DACH2: variants seen among roughly 807,000 people sequenced by gnomAD.
DACH2 encodes the protein dachshund homolog 2.
DACH2 carries 17 observed loss-of-function variants against 35.8 expected under a neutral mutation model. The ratio of observed to expected loss-of-function variants is 0.48; its 90% confidence interval spans 0.33 to 0.71. The LOEUF is 0.71. DACH2 is among the 30% of genes least tolerant of loss of function. DACH2 has a pLI of 0.02. For synonymous variants in DACH2, 195 were observed against 177.3 expected, an observed-to-expected ratio of 1.10 and a Z score of -0.79; for missense variants, 469 against 472.7, an observed-to-expected ratio of 0.99 and a Z score of 0.07.
chrX:86,306,771 TC>T (rs2034697621), intron 1 of DACH2, among the ~76,000 whole-genome samples: 1 of 111,405 alleles, frequency 9.0e-6, no homozygotes, highest in African/African-American at 3.3e-5. Context: ...AAGTTAATAC[TC>T]AATAAACTCA....
At chrX:86,467,998 T>C (rs779993353) in intron 2 of DACH2, among the ~76,000 whole-genome samples, 1 of 110,977 alleles carries the variant, frequency 9.0e-6, no homozygotes, top group Non-Finnish European at 1.9e-5. Flanking sequence ...AAGATGAGAT[T>C]TGGGTGGGGA....
At chrX:86,456,357 A>T (rs1233308279) in intron 2 of DACH2, among the ~76,000 whole-genome samples, 3 of 111,687 alleles carry the variant, frequency 2.7e-5, no homozygotes, top group Non-Finnish European at 5.6e-5. Context: ...ATCAATTATA[A>T]TTTTTAATTA....
chrX:86,819,589 C>T (rs2042488771), intron 11 of DACH2, among the ~76,000 whole-genome samples: 1 of 112,020 alleles, frequency 8.9e-6, no homozygotes, highest in African/African-American at 3.2e-5. Flanking sequence ...TTTCTTTTTA[C>T]TGCATTCTGC....
At chrX:86,244,138 G>C (rs1223608518) in intron 1 of DACH2, among the ~76,000 whole-genome samples, 1 of 111,429 alleles carries the variant, frequency 9.0e-6, no homozygotes, top group East Asian at 2.8e-4. Context: ...ATTCTTAAAG[G>C]GGTTTTATTT....
intron 4 of DACH2, among the ~76,000 whole-genome samples, chrX:86,687,882 G>A (rs1248874139): frequency 9.2e-6 from 1 of 108,644 alleles, no homozygotes; most frequent in Non-Finnish European, 1.9e-5. Context: ...TCACACACTG[G>A]GGCCTGTCAG....
At chrX:86,411,922 T>A (rs966900773) in intron 2 of DACH2, among the ~76,000 whole-genome samples, 1 of 111,220 alleles carries the variant, frequency 9.0e-6, no homozygotes, top group Non-Finnish European at 1.9e-5. Flanking sequence ...CCATTTGTAA[T>A]CCTGCCTGGA....
At position 86,587,650 on chromosome X, in the gene DACH2, T is replaced by C. The variant is rs147673057; in HGVS notation, c.641-63386T>C. Among the ~76,000 whole-genome samples the C allele has an allele frequency of 4.8e-4, 54 of 112,102 alleles. 2 individuals carry two copies. The highest frequency in any genetic ancestry group is 1.7e-3 in the African/African-American group (54 of 30,955). On this transcript the variant is annotated intron_variant, in intron 3 of 11. Transcript: ENST00000373125. ...GATGTTTATTAATGATAAGCATTTG[T>C]TCAAATGGTTGTTGGCTGCTTGTAT... is the stretch of plus-strand genomic sequence containing the variant.
At chrX:86,632,808 T>A (rs2040217507) in intron 3 of DACH2, among the ~76,000 whole-genome samples, 1 of 110,828 alleles carries the variant, frequency 9.0e-6, no homozygotes, top group African/African-American at 3.3e-5. Flanking sequence ...GCTATACATA[T>A]ACCTGGAAAT....
chrX:86,479,999 G>A (rs960878194), intron 2 of DACH2, among the ~76,000 whole-genome samples: 3 of 112,357 alleles, frequency 2.7e-5, no homozygotes, highest in Non-Finnish European at 5.6e-5. Context: ...TTCATTTTGT[G>A]AGGTTGTGCT....
intron 2 of DACH2, among the ~76,000 whole-genome samples, chrX:86,417,591 G>A (rs1384555269): frequency 9.0e-6 from 1 of 111,028 alleles, no homozygotes; most frequent in Admixed American, 9.6e-5. Flanking sequence ...TGAGAACAGT[G>A]CAGGAAAGAC....
At chrX:86,443,602 G>T (rs760599518) in intron 2 of DACH2, among the ~76,000 whole-genome samples, 1 of 110,362 alleles carries the variant, frequency 9.1e-6, no homozygotes, top group Non-Finnish European at 1.9e-5. Context: ...GTCTTATAGG[G>T]AAAGCCTTCA....
chrX:86,296,084 A>G (rs1409343410), intron 1 of DACH2, among the ~76,000 whole-genome samples: 2 of 111,193 alleles, frequency 1.8e-5, no homozygotes, highest in Non-Finnish European at 3.8e-5. Context: ...TGAAAATTAT[A>G]TATGAAATAT....
intron 3 of DACH2, among the ~76,000 whole-genome samples, chrX:86,597,952 G>A (rs1432425557): frequency 9.0e-6 from 1 of 111,588 alleles, no homozygotes; most frequent in Non-Finnish European, 1.9e-5. Context: ...ACGTGGCTGG[G>A]GAGGCCTCGC....
intron 5 of DACH2, among the ~76,000 whole-genome samples, chrX:86,698,649 C>T (rs1000987501): frequency 1.9e-5 from 2 of 102,801 alleles, no homozygotes; most frequent in Non-Finnish European, 3.9e-5. Context: ...CAACTAACCC[C>T]CTCCATCCCC....
At chrX:86,724,263 CT>C (rs2041440652) in intron 6 of DACH2, among the ~76,000 whole-genome samples, 1 of 110,213 alleles carries the variant, frequency 9.1e-6, no homozygotes, top group South Asian at 3.9e-4. Context: ...GCTCTTTCTC[CT>C]TTGTATGACT....
chrX:86,779,719 T>C (rs1471809937), intron 7 of DACH2, among the ~76,000 whole-genome samples: 1 of 111,783 alleles, frequency 8.9e-6, no homozygotes, highest in Non-Finnish European at 1.9e-5. Context: ...ATTCTGGATA[T>C]ATTTTGAATG....
chrX:86,813,377 A>C (rs1171591983), intron 9 of DACH2, 100 bp downstream of exon 9: 1 of 722,793 alleles, frequency 1.4e-6, no homozygotes, highest in African/African-American at 2.3e-5. Flanking sequence ...CTGAGGCGGG[A>C]GGATCACGAG....
intron 2 of DACH2, among the ~76,000 whole-genome samples, chrX:86,455,404 C>G: frequency 9.0e-6 from 1 of 111,607 alleles, no homozygotes; most frequent in Non-Finnish European, 1.9e-5. Context: ...CACAGAACTG[C>G]AGCGATGGTG....
At chrX:86,599,879 G>A (rs2148357619) in intron 3 of DACH2, among the ~76,000 whole-genome samples, 1 of 111,035 alleles carries the variant, frequency 9.0e-6, no homozygotes, top group East Asian at 2.9e-4. Context: ...GGATGATATG[G>A]GCCCCATTGC....
Sources: gnomAD v4.1 joint callset for allele counts (sites outside exome capture counted in the v4.1 genomes callset) on GRCh38, gnomAD v4.1.1 for gene constraint, MANE v1.5 for transcripts, NCBI Gene and HGNC (gene_info 2026-07-23, HGNC 2026-07-21) for gene names.